LONP1: variants seen among roughly 807,000 people sequenced by gnomAD.
The protein encoded by LONP1 is lon peptidase 1, mitochondrial.
LONP1 carries 31 observed loss-of-function variants against 98.5 expected under a neutral mutation model. The ratio of observed to expected loss-of-function variants is 0.31; its 90% CI spans 0.24 to 0.42. LONP1 has a LOEUF of 0.42. Ranked by LOEUF, LONP1 falls within the 20% of genes least tolerant of loss-of-function variation. The pLI is 1.00. For synonymous variants in LONP1, 781 were observed against 594.7 expected (o/e 1.31, Z -4.56); for missense variants, 1,336 against 1,350.6 (o/e 0.99, Z 0.17).
At position 5,707,845 on chromosome 19, in the gene LONP1, T is replaced by A; in HGVS notation, c.933-19A>T. On this transcript the variant is annotated intron_variant, in intron 5 of 17. Coordinates refer to ENST00000360614, the MANE Select transcript of LONP1 (RefSeq NM_004793.4). ...TGACTCCCTGGGGGACAAAGGGAGCTGCCTCGGTGGCCAGGGCCTCACGCT... is the reference window on the plus strand; with the variant it reads ...TGACTCCCTGGGGGACAAAGGGAGCAGCCTCGGTGGCCAGGGCCTCACGCT... 1 of 1,611,706 alleles carries A rather than the reference T, an allele frequency of 6.2e-7. No individual in the cohort carries two copies.
chr19:5,695,244 T>G (rs2054905408), intron 13 of LONP1, among the ~76,000 whole-genome samples: 1 of 152,106 alleles, frequency 6.6e-6, no homozygotes, highest in Non-Finnish European at 1.5e-5. Context: ...GCTGCTGCCC[T>G]CAGCACATGA....
chr19:5,698,897 C>T, intron 10 of LONP1, 130 bp downstream of exon 10: 1 of 975,652 alleles, frequency 1.0e-6, no homozygotes. Context: ...TTCAGTTACT[C>T]CAGCATGAGT....
chr19:5,692,206 G>T lies in LONP1; in HGVS notation c.2706C>A (p.Ala902=). Residue 902 remains alanine, a splice_region_variant and synonymous_variant, in exon 18 of 18, where the codon GCC becomes GCA. Coordinates refer to ENST00000360614, the MANE Select transcript of LONP1 (RefSeq NM_004793.4). ...CGATGCACGTCACCCCTGCGCGCTT[G>T]GCCTGGGGGCAGAGTCAGGGTCAGC... The part of the protein sequence containing the change: ...VGGIKEKTIA[A]KRAGVTCIVL... 1 of 1,610,178 alleles carries T rather than the reference G, an allele frequency of 6.2e-7. No individual in the cohort carries two copies. Among genetic ancestry groups the T allele is most frequent in the South Asian group, 1.1e-5 (1 of 90,680 alleles).
In LONP1 at chr19:5,703,714, C is replaced by T. The variant is rs200304277; in HGVS notation, c.1367+2058G>A. On this transcript the variant is annotated intron_variant, in intron 8 of 17. Transcript: ENST00000360614. ...GAAGTCACTGTGGAAGTGACACAGGCAGTGACACTTTGCGGAGAGCATTCT... is the reference window on the plus strand; with the variant it reads ...GAAGTCACTGTGGAAGTGACACAGGTAGTGACACTTTGCGGAGAGCATTCT... Among the ~76,000 whole-genome samples the T allele has an allele frequency of 1.4e-4, 21 of 151,916 alleles. No homozygotes were observed. In the East Asian group the frequency reaches 4.1e-3, roughly 29 times the overall value.
At chr19:5,702,353 TG>T (rs1181808571) in intron 8 of LONP1, among the ~76,000 whole-genome samples, 2 of 123,066 alleles carry the variant, frequency 1.6e-5, no homozygotes, top group Non-Finnish European at 1.7e-5. Context: ...GGGAGGGAGG[TG>T]GGGGGGTCAG....
rs1223308092 is a variant in LONP1 at position 5,693,393 on chromosome 19, C to G, written c.2608G>C (p.Gly870Arg). 7 of 1,613,258 alleles carry G rather than the reference C, an allele frequency of 4.3e-6. No individual in the cohort carries two copies. The highest frequency in any genetic ancestry group is 5.9e-6 in the Non-Finnish European group (7 of 1,179,778). ...GCCAGATTCTGCCGGACAGGCCTGC[C>G]CATGGCCAGGGACAGCAGGGCCGTG... Reference protein sequence around the residue: ...IVTALLSLAMGRPVRQNLAMT... With the variant: ...IVTALLSLAMRRPVRQNLAMT... Residue 870 changes from glycine (G) to arginine (R), a missense_variant, in exon 17 of 18, where the codon GGC becomes CGC. Transcript: ENST00000360614.
intron 8 of LONP1, among the ~76,000 whole-genome samples, chr19:5,703,579 G>C (rs2055095699): frequency 6.6e-6 from 1 of 151,864 alleles, no homozygotes; most frequent in African/African-American, 2.4e-5. Flanking sequence ...GGAAGGGCCA[G>C]GCGGCCCCAC....
intron 4 of LONP1, among the ~76,000 whole-genome samples, chr19:5,710,458 C>T (rs376040019): frequency 2.0e-5 from 3 of 151,864 alleles, no homozygotes; most frequent in Admixed American, 6.6e-5. Flanking sequence ...TGCAGTGATG[C>T]GATCACAGCT....
At position 5,705,641 on chromosome 19, in the gene LONP1, A is replaced by G. The variant is rs187426360; in HGVS notation, c.1367+131T>C. ...CCAGAACAGGGCTGATACTCGCTGG[A>G]TGCCTCCCAGCCCGCACCTGCCACA... On this transcript the variant is annotated intron_variant, in intron 8 of 17. Transcript: ENST00000360614. The G allele has an allele frequency of 7.6e-4, 512 of 676,322 alleles. 2 individuals are homozygous for G. The African/African-American group carries it at 8.5e-3, about 11-fold the overall frequency. The allele number at this position is 676,322 out of a possible 1,614,324, so 41.9% of individuals were successfully genotyped here.
In LONP1 at chr19:5,713,244, C is replaced by T. The variant is rs147695228; in HGVS notation, c.528G>A (p.Ser176=). Residue 176 remains serine (S), a synonymous_variant, in exon 3 of 18, where the codon TCG becomes TCA. Transcript: ENST00000360614. ...VFLKRDDSNE[S]DVVESLDEIY... ...TTTCATCCAGGCTCTCGACCACATC[C>T]GACTCATTGCTGTGGGAGAAGAGCA... 1.3e-4 allele frequency: 209 copies of T among 1,614,014 alleles called. No individual in the cohort carries two copies. Among genetic ancestry groups the T allele is most frequent in the African/African-American group, 1.1e-3 (79 of 74,926 alleles).
Position 5,692,819 on chromosome 19 carries a change from A to AG in LONP1, c.2703+478_2703+479insC, listed in dbSNP as rs1271765211. Among the ~76,000 whole-genome samples the AG allele has an allele frequency of 7.2e-5, 11 of 152,216 alleles. No homozygotes were observed. The East Asian group carries it at 1.5e-3, about 21-fold the overall frequency. On this transcript the variant is annotated intron_variant, in intron 17 of 17. Transcript: ENST00000360614. ...TTGACCATGCCTCCCTCGTGGTGGC[A>AG]TCTCCTGACTGACTGCACCAGGCTT...
At chr19:5,709,180 A>G (rs2055197194) in intron 4 of LONP1, among the ~76,000 whole-genome samples, 1 of 149,542 alleles carries the variant, frequency 6.7e-6, no homozygotes, top group African/African-American at 2.5e-5. Flanking sequence ...GCACCTGCCT[A>G]CAACCAAATT....
chr19:5,708,000 C>T (rs757132948), intron 5 of LONP1, 174 bp from the exon 6 acceptor site: 9 of 741,744 alleles, frequency 1.2e-5, no homozygotes, highest in Non-Finnish European at 1.9e-5. Context: ...CAGGGCCCAC[C>T]CGTCCTGGGC....
chr19:5,694,631 G>A (rs2054891778), intron 14 of LONP1, 79 bp from the exon 15 acceptor site: 4 of 1,571,722 alleles, frequency 2.5e-6, no homozygotes, highest in Admixed American at 1.7e-5. Context: ...GGCACAGAAA[G>A]GTGTGACGGG....
rs3082272 is a variant in LONP1, at chr19:5,716,259, C to CATATATAT, written c.430-1996_430-1989dup. Among the ~76,000 whole-genome samples the CATATATAT allele has an allele frequency of 9.3e-3, 714 of 77,040 alleles. 46 individuals are homozygous for CATATATAT. Among genetic ancestry groups the CATATATAT allele is most frequent in the African/African-American group, 0.012 (226 of 18,698 alleles). 50.5% of individuals were successfully genotyped at this position (77,040 alleles called of 152,430 possible). On this transcript the variant is annotated intron_variant, in intron 1 of 17. Coordinates refer to ENST00000360614, the MANE Select transcript of LONP1 (RefSeq NM_004793.4). ...TATTATATAATAAAGTTAAAATATACATATATATATATATATATATATATA... is the reference window on the plus strand; with the variant it reads ...TATTATATAATAAAGTTAAAATATACATATATATATATATATATATATATATATATATA...
intron 8 of LONP1, among the ~76,000 whole-genome samples, chr19:5,704,824 A>G (rs767989651): frequency 4.6e-5 from 7 of 152,224 alleles, no homozygotes; most frequent in Non-Finnish European, 1.0e-4. Context: ...AGCCAGGGGT[A>G]GCCTTGCAAA....
At chr19:5,692,804 C>T (rs561540882) in intron 17 of LONP1, among the ~76,000 whole-genome samples, 1 of 152,306 alleles carries the variant, frequency 6.6e-6, no homozygotes, top group African/African-American at 2.4e-5. Flanking sequence ...TTGACCATGC[C>T]TCCCTCGTGG....
At chr19:5,713,495 A>G (rs1216838579) in intron 2 of LONP1, among the ~76,000 whole-genome samples, 1 of 152,200 alleles carries the variant, frequency 6.6e-6, no homozygotes, top group Non-Finnish European at 1.5e-5. Flanking sequence ...CCACAAAGAC[A>G]TGGTCCAGGT....
In LONP1 at chr19:5,719,911, G is replaced by C; in HGVS notation, c.222C>G (p.Arg74=). 6.5e-7 allele frequency: 1 copy of C among 1,547,830 alleles called. No homozygotes were observed. Among genetic ancestry groups the C allele is most frequent in the Non-Finnish European group, 8.7e-7 (1 of 1,147,672 alleles). The change falls in exon 1 of 18, where the codon CGC becomes CGG. Residue 74 remains arginine, a synonymous_variant. Coordinates refer to ENST00000360614, the MANE Select transcript of LONP1 (RefSeq NM_004793.4). Reference sequence around the variant, plus strand: ...CGCCCCCCGAGAATGCGCCTCCGCCGCGGCTGCTCGCTTCCCAAAACCCCC... The same window carrying C: ...CGCCCCCCGAGAATGCGCCTCCGCCCCGGCTGCTCGCTTCCCAAAACCCCC... ...QWRGFWEASS[R]GGGAFSGGED... is the part of the protein sequence containing the mutation.
Sources: allele counts gnomAD v4.1 joint callset (sites outside exome capture counted in the v4.1 genomes callset), GRCh38; gene constraint gnomAD v4.1.1; transcripts MANE v1.5; gene names NCBI Gene and HGNC (gene_info 2026-07-23, HGNC 2026-07-21).